The following TENM1 variants were observed in gnomAD, a reference collection of about 807,000 sequenced individuals.
TENM1 encodes the protein teneurin-1.
In TENM1, 35 loss-of-function variants were observed where a neutral mutation model predicts 174.8. The ratio of observed to expected loss-of-function variants is 0.20; its 90% CI spans 0.15 to 0.27. The LOEUF (loss-of-function observed/expected upper bound fraction) is 0.27. Ranked by LOEUF, TENM1 falls within the 10% of genes least tolerant of loss-of-function variation. TENM1 has a pLI of 1.00. For missense variants in TENM1, 1,633 were observed against 2,130.1 expected (o/e 0.77, Z 4.59); for synonymous variants, 781 against 798.7 (o/e 0.98, Z 0.37).
chrX:125,047,953 T>C, the TENM1 span, among the ~76,000 whole-genome samples: 1 of 111,014 alleles, frequency 9.0e-6, no homozygotes. Flanking sequence ...GGAGGAAAAG[T>C]AGTAGCTTCA....
chrX:124,630,453 G>C (rs904329700), intron 11 of TENM1, among the ~76,000 whole-genome samples: 2 of 112,126 alleles, frequency 1.8e-5, no homozygotes, highest in African/African-American at 6.5e-5. Context: ...CCATACCTTA[G>C]TAGACTACAT....
chrX:124,619,471 T>C (rs2050467809), intron 11 of TENM1, among the ~76,000 whole-genome samples: 1 of 112,307 alleles, frequency 8.9e-6, no homozygotes, highest in Admixed American at 9.4e-5. Flanking sequence ...TCCTATAGTT[T>C]AGCCCTTTAC....
chrX:124,407,219 CAA>C (rs59240118), intron 25 of TENM1, among the ~76,000 whole-genome samples: 6,810 of 86,543 alleles, frequency 0.079, 217 homozygotes, highest in Middle Eastern at 0.11. Context: ...TTACTTTTTC[CAA>C]AAAAAAAAAA....
chrX:124,664,532 GAAAAAAAA>G (rs779501054), intron 6 of TENM1, among the ~76,000 whole-genome samples: 3 of 29,276 alleles, frequency 1.0e-4, no homozygotes, highest in Non-Finnish European at 1.2e-4. Flanking sequence ...TAAAGCAAAA[GAAAAAAAA>G]AAAAAAAAAA....
chrX:124,581,695 G>C (rs1351834881), intron 11 of TENM1, among the ~76,000 whole-genome samples: 1 of 103,094 alleles, frequency 9.7e-6, no homozygotes, highest in East Asian at 3.2e-4. Context: ...AGCCTCACTA[G>C]CATCTGTTAT....
intron 1 of TENM1, among the ~76,000 whole-genome samples, chrX:124,927,635 C>T (rs1477278405): frequency 9.0e-6 from 1 of 111,420 alleles, no homozygotes; most frequent in African/African-American, 3.3e-5. Flanking sequence ...CTTCTCAACT[C>T]GGCATACCTA....
At chrX:125,087,306 A>G in the TENM1 span, among the ~76,000 whole-genome samples, 2 of 111,170 alleles carry the variant, frequency 1.8e-5, no homozygotes, top group Non-Finnish European at 3.8e-5. Flanking sequence ...TACAAAATAT[A>G]TATTTTATAT....
At chrX:125,062,931 T>A in the TENM1 span, among the ~76,000 whole-genome samples, 11 of 112,337 alleles carry the variant, frequency 9.8e-5, no homozygotes, top group African/African-American at 3.6e-4. Flanking sequence ...TATCTTATAA[T>A]ATGCTATTGG....
intron 1 of TENM1, among the ~76,000 whole-genome samples, chrX:124,950,714 G>A (rs1408808765): frequency 9.0e-6 from 1 of 111,632 alleles, no homozygotes. Context: ...AGCTGGGTAG[G>A]CTTAGTGTGG....
At position 124,921,721 on chromosome X, in the gene TENM1, G is replaced by A. The variant is rs773063666; in HGVS notation, c.218-25480C>T. Reference sequence around the variant, plus strand: ...TCACTCCCACTCCTGTGTTTTGTTGGGATAGTTTAGTATATTTATTTAGAC... The same window carrying A: ...TCACTCCCACTCCTGTGTTTTGTTGAGATAGTTTAGTATATTTATTTAGAC... On this transcript the variant is annotated intron_variant, in intron 1 of 31. Transcript: ENST00000422452. Among the ~76,000 whole-genome samples the A allele has an allele frequency of 2.7e-5, 3 of 110,497 alleles. No individual in the cohort carries two copies. The East Asian group carries it at 8.6e-4, about 32-fold the overall frequency.
chrX:124,748,606 A>G (rs2053991189), intron 3 of TENM1, among the ~76,000 whole-genome samples: 1 of 111,743 alleles, frequency 8.9e-6, no homozygotes, highest in South Asian at 3.7e-4. Context: ...GTTTTCAATA[A>G]GGTGAATCAA....
At chrX:124,572,478 A>T (rs2049076773) in intron 11 of TENM1, among the ~76,000 whole-genome samples, 1 of 111,773 alleles carries the variant, frequency 8.9e-6, no homozygotes, top group Non-Finnish European at 1.9e-5. Flanking sequence ...TATAGTAAGC[A>T]TCATATTTAG....
intron 3 of TENM1, among the ~76,000 whole-genome samples, chrX:124,862,792 G>A (rs1484060977): frequency 9.1e-6 from 1 of 109,407 alleles, no homozygotes; most frequent in Non-Finnish European, 1.9e-5. Flanking sequence ...CACCAGCTGG[G>A]GCAGCCAAGG....
chrX:124,654,575 G>T (rs546317839), intron 6 of TENM1, among the ~76,000 whole-genome samples: 1 of 111,709 alleles, frequency 9.0e-6, no homozygotes, highest in South Asian at 3.8e-4. Context: ...GGAAAGGATG[G>T]CTTGAACTAA....
chrX:124,640,248 C>T (rs1290241018), intron 11 of TENM1, among the ~76,000 whole-genome samples: 1 of 111,490 alleles, frequency 9.0e-6, no homozygotes, highest in Admixed American at 9.5e-5. Flanking sequence ...ATTCCTCTTT[C>T]CTGTATTACG....
chrX:124,499,074 A>G (rs1230054876), intron 19 of TENM1, among the ~76,000 whole-genome samples: 1 of 111,828 alleles, frequency 8.9e-6, no homozygotes, highest in African/African-American at 3.2e-5. Flanking sequence ...TGTTGTGGGA[A>G]GGCATGCCCA....
the TENM1 span, among the ~76,000 whole-genome samples, chrX:125,090,776 ACT>A: frequency 2.8e-5 from 3 of 108,231 alleles, no homozygotes; most frequent in Admixed American, 2.0e-4. Flanking sequence ...ATGAGTAGAA[ACT>A]CACCCTGTCC....
chrX:124,916,310 A>AT (rs1229934248), intron 1 of TENM1, among the ~76,000 whole-genome samples: 8 of 109,747 alleles, frequency 7.3e-5, no homozygotes, highest in African/African-American at 2.0e-4. Flanking sequence ...CTCATACTGA[A>AT]TTTTTTTTTC....
intron 3 of TENM1, among the ~76,000 whole-genome samples, chrX:124,891,477 G>C (rs2057474952): frequency 9.1e-6 from 1 of 110,079 alleles, no homozygotes; most frequent in African/African-American, 3.3e-5. Context: ...TGGCCAACGT[G>C]GTGAAACCTT....
Sources: allele counts gnomAD v4.1 joint callset (sites outside exome capture counted in the v4.1 genomes callset), GRCh38; gene constraint gnomAD v4.1.1; transcripts MANE v1.5; gene names NCBI Gene and HGNC (gene_info 2026-07-23, HGNC 2026-07-21).